MAGI3: variants seen among roughly 807,000 people sequenced by gnomAD.
MAGI3 encodes membrane-associated guanylate kinase, WW and PDZ domain-containing protein 3.
A neutral mutation model predicts 121.8 loss-of-function variants in MAGI3; 43 were observed. The observed-to-expected ratio is 0.35, with a 90% CI of 0.28 to 0.46. MAGI3 has a LOEUF of 0.46. Ranked by LOEUF, MAGI3 falls within the 20% of genes least tolerant of loss-of-function variation. The pLI, the probability that MAGI3 is intolerant of heterozygous loss-of-function variation, is 1.00. For missense variants in MAGI3, 1,547 were observed against 1,797.3 expected (o/e 0.86, Z 2.52); for synonymous variants, 553 against 639.3 (o/e 0.86, Z 2.04).
chr1:113,509,718 CCAA>C (rs1390110795), intron 1 of MAGI3, among the ~76,000 whole-genome samples: 8 of 124,374 alleles, frequency 6.4e-5, no homozygotes, highest in Middle Eastern at 3.7e-3. Flanking sequence ...CAAATAATGG[CCAA>C]CGAGTCACAA....
chr1:113,399,195 A>G (rs1170281443), intron 1 of MAGI3, among the ~76,000 whole-genome samples: 1 of 152,086 alleles, frequency 6.6e-6, no homozygotes, highest in Non-Finnish European at 1.5e-5. Flanking sequence ...AAAGCTTCTC[A>G]TCTTTTTGGA....
intron 11 of MAGI3, among the ~76,000 whole-genome samples, chr1:113,645,314 G>C (rs1652774648): frequency 2.0e-5 from 3 of 152,106 alleles, no homozygotes; most frequent in Non-Finnish European, 4.4e-5. Flanking sequence ...ATGAGCCACT[G>C]CGCCCGGCCA....
chr1:113,639,268 C>T (rs1570981414), intron 9 of MAGI3, among the ~76,000 whole-genome samples: 1 of 152,244 alleles, frequency 6.6e-6, no homozygotes, highest in Non-Finnish European at 1.5e-5. Flanking sequence ...CTGGCACTCC[C>T]TAGTGAGATG....
In MAGI3 at chr1:113,646,576, TC is replaced by T. The variant is rs1553212770; in HGVS notation, c.2090del (p.Ser697Ter). ...GCCTTTTCCACCGAGCATTATCAGG[TC>T]AGGATCCCCAAAATTGGATCCTTCT... is the stretch of plus-strand genomic sequence containing the variant. ...PMPFPPSIIR[S>X]GSPKLDPSEV... On this transcript the variant is annotated frameshift_variant, in exon 12 of 21. Coordinates refer to ENST00000307546, the MANE Select transcript of MAGI3 (RefSeq NM_001142782.2). LOFTEE classifies it high-confidence loss of function. 6.2e-7 allele frequency: 1 copy of T among 1,613,392 alleles called. No homozygotes were observed. Among genetic ancestry groups the T allele is most frequent in the Non-Finnish European group, 8.5e-7 (1 of 1,179,664 alleles).
At chr1:113,505,387 A>G (rs1657269898) in intron 1 of MAGI3, among the ~76,000 whole-genome samples, 1 of 152,088 alleles carries the variant, frequency 6.6e-6, no homozygotes, top group African/African-American at 2.4e-5. Flanking sequence ...GCTCAAATAA[A>G]CACATATTAA....
intron 6 of MAGI3, among the ~76,000 whole-genome samples, chr1:113,603,973 C>T (rs985554517): frequency 3.9e-5 from 6 of 152,002 alleles, no homozygotes; most frequent in African/African-American, 1.4e-4. Context: ...AGTAATAAGT[C>T]AAAAAGCAAT....
chr1:113,681,640 TA>T (rs1453589792), intron 20 of MAGI3, among the ~76,000 whole-genome samples: 7 of 152,256 alleles, frequency 4.6e-5, no homozygotes, highest in African/African-American at 1.7e-4. Context: ...TTAAATACCA[TA>T]AAAAATGTTT....
At chr1:113,609,415 T>TACAGTGTAAGGAC (rs1649986190) in intron 6 of MAGI3, among the ~76,000 whole-genome samples, 1 of 152,240 alleles carries the variant, frequency 6.6e-6, no homozygotes, top group African/African-American at 2.4e-5. Context: ...TGTATTCAAA[T>TACAGTGTAAGGAC]ACAGTGTAAG....
At chr1:113,548,618 G>A (rs1659639925) in intron 1 of MAGI3, among the ~76,000 whole-genome samples, 1 of 152,228 alleles carries the variant, frequency 6.6e-6, no homozygotes, top group African/African-American at 2.4e-5. Flanking sequence ...ATTAGGATCA[G>A]GGATGGCTGG....
chr1:113,623,453 T>TACACACACACACACACACACAC lies in MAGI3; in HGVS notation c.1360+473_1360+494dup, dbSNP rs796174057. 9.1e-3 allele frequency among the ~76,000 whole-genome samples: 1,153 copies of TACACACACACACACACACACAC among 126,034 alleles called. 28 individuals carry two copies. The highest frequency in any genetic ancestry group is 0.027 in the African/African-American group (858 of 31,518). The allele number at this position is 126,034 out of a possible 152,430, so 82.7% of individuals were successfully genotyped here. On this transcript the variant is annotated intron_variant, in intron 9 of 20. Transcript: ENST00000307546. ...TAATACACATATATATACACACACATACACACACACACACACACACACACA... is the reference window on the plus strand; with the variant it reads ...TAATACACATATATATACACACACATACACACACACACACACACACACACACACACACACACACACACACACA...
At chr1:113,430,792 T>C (rs1031668097) in intron 1 of MAGI3, among the ~76,000 whole-genome samples, 4 of 152,220 alleles carry the variant, frequency 2.6e-5, no homozygotes, top group African/African-American at 7.2e-5. Context: ...GAATAGACTA[T>C]CCTAAAGTAA....
At chr1:113,414,825 G>A (rs1461403560) in intron 1 of MAGI3, among the ~76,000 whole-genome samples, 1 of 151,858 alleles carries the variant, frequency 6.6e-6, no homozygotes, top group Non-Finnish European at 1.5e-5. Context: ...ACTGTTTGGT[G>A]GGTTAATTTA....
chr1:113,405,356 G>A (rs1192130767), intron 1 of MAGI3, among the ~76,000 whole-genome samples: 1 of 151,402 alleles, frequency 6.6e-6, no homozygotes, highest in African/African-American at 2.4e-5. Flanking sequence ...GTGTGTGCCT[G>A]TATTCCCAGC....
chr1:113,580,595 A>G lies in MAGI3; in HGVS notation c.487A>G (p.Ile163Val). 1 of 1,612,060 alleles carries G rather than the reference A, an allele frequency of 6.2e-7. No homozygotes were observed. Among genetic ancestry groups the G allele is most frequent in the South Asian group, 1.1e-5 (1 of 90,944 alleles). The change falls in exon 3 of 21, where the codon ATT (isoleucine) becomes GTT (valine). Residue 163 changes from isoleucine (I) to valine (V), a missense_variant. Coordinates refer to ENST00000307546, the MANE Select transcript of MAGI3 (RefSeq NM_001142782.2). Reference sequence around the variant, plus strand: ...AGTACCAGGAGTGGATTATAATTTCATTTCCGTTGAACAGTTCAAAGCACT... The same window carrying G: ...AGTACCAGGAGTGGATTATAATTTCGTTTCCGTTGAACAGTTCAAAGCACT... ...GEVPGVDYNF[I>V]SVEQFKALEE...
At chr1:113,451,233 G>C (rs1275751346) in intron 1 of MAGI3, among the ~76,000 whole-genome samples, 1 of 152,148 alleles carries the variant, frequency 6.6e-6, no homozygotes, top group Non-Finnish European at 1.5e-5. Flanking sequence ...AGAATGGACT[G>C]ATAAACTTTC....
chr1:113,442,955 C>A (rs1352845825), intron 1 of MAGI3, among the ~76,000 whole-genome samples: 2 of 151,986 alleles, frequency 1.3e-5, no homozygotes, highest in Admixed American at 6.6e-5. Flanking sequence ...TGGGCATTTC[C>A]ATCTTGTATT....
chr1:113,456,117 A>ATTTTTTTTTTTTT (rs35038942), intron 1 of MAGI3, among the ~76,000 whole-genome samples: 2 of 113,218 alleles, frequency 1.8e-5, no homozygotes, highest in Non-Finnish European at 3.6e-5. Flanking sequence ...CGCCCGGCTA[A>ATTTTTTTTTTTTT]TTTTTTTTTT....
intron 1 of MAGI3, among the ~76,000 whole-genome samples, chr1:113,502,878 T>C (rs374499232): frequency 1.9e-5 from 1 of 52,988 alleles, no homozygotes; most frequent in Non-Finnish European, 3.1e-5. Context: ...CCATGGAATA[T>C]TATGCAGCCA....
chr1:113,513,257 A>G (rs1365700226), intron 1 of MAGI3, among the ~76,000 whole-genome samples: 2 of 152,196 alleles, frequency 1.3e-5, no homozygotes, highest in Admixed American at 1.3e-4. Flanking sequence ...GACTTTCTTC[A>G]CAGAATTGGA....
Sources: allele counts gnomAD v4.1 joint callset (sites outside exome capture counted in the v4.1 genomes callset), GRCh38; gene constraint gnomAD v4.1.1; transcripts MANE v1.5; gene names NCBI Gene and HGNC (gene_info 2026-07-23, HGNC 2026-07-21).